Variants in CNTNAP5 observed in about 807,000 individuals in gnomAD.
The protein encoded by CNTNAP5 is contactin associated protein family member 5.
A neutral mutation model predicts 150.2 loss-of-function variants in CNTNAP5; 72 were observed. The observed-to-expected ratio is 0.48, with a 90% confidence interval of 0.40 to 0.58. The LOEUF is 0.58. CNTNAP5 is among the 20% of genes least tolerant of loss of function. CNTNAP5 has a pLI of 0.00. For missense variants in CNTNAP5, 1,636 were observed against 1,626.2 expected, an observed-to-expected ratio of 1.01 and a Z score of -0.10; for synonymous variants, 672 against 619.8, an observed-to-expected ratio of 1.08 and a Z score of -1.25.
intron 13 of CNTNAP5, among the ~76,000 whole-genome samples, chr2:124,674,793 CA>C (rs2105061773): frequency 6.6e-6 from 1 of 151,930 alleles, no homozygotes; most frequent in Non-Finnish European, 1.5e-5. Context: ...GTAACCTTTT[CA>C]AGTTTAAATT....
intron 8 of CNTNAP5, among the ~76,000 whole-genome samples, chr2:124,513,803 G>A (rs1295786759): frequency 6.6e-5 from 10 of 152,172 alleles, no homozygotes; most frequent in Admixed American, 2.0e-4. Flanking sequence ...GAGCTGCATC[G>A]TGCAGGATGG....
chr2:124,077,239 C>T (rs962830286), intron 1 of CNTNAP5, among the ~76,000 whole-genome samples: 1 of 151,868 alleles, frequency 6.6e-6, no homozygotes, highest in African/African-American at 2.4e-5. Context: ...TATAACTACA[C>T]CGTGGATAAC....
intron 8 of CNTNAP5, among the ~76,000 whole-genome samples, chr2:124,512,378 G>T (rs1573426073): frequency 6.6e-6 from 1 of 152,014 alleles, no homozygotes; most frequent in Non-Finnish European, 1.5e-5. Context: ...ATCCAGAAGG[G>T]TGGGTGGGGG....
At chr2:124,196,998 G>A (rs901327860) in intron 1 of CNTNAP5, among the ~76,000 whole-genome samples, 1 of 152,128 alleles carries the variant, frequency 6.6e-6, no homozygotes, top group Non-Finnish European at 1.5e-5. Context: ...CGTGTCTCAG[G>A]TTCCTAAGGT....
intron 3 of CNTNAP5, among the ~76,000 whole-genome samples, chr2:124,269,707 G>A (rs1010120321): frequency 6.6e-6 from 1 of 152,170 alleles, no homozygotes; most frequent in Non-Finnish European, 1.5e-5. Context: ...ACAATTGGTA[G>A]CTGGCTGCAG....
In CNTNAP5 at chr2:124,339,634, C is replaced by T. The variant is rs1573926542; in HGVS notation, c.382-77809C>T. Among the ~76,000 whole-genome samples the T allele has an allele frequency of 2.6e-5, 4 of 152,252 alleles. No homozygotes were observed. In the South Asian group the frequency reaches 6.2e-4, roughly 24 times the overall value. ...GTAATTGCCTGATGGGTTTTTCGTG[C>T]TCACTGTACAGACAAAACCAATTCA... On this transcript the variant is annotated intron_variant, in intron 3 of 23. Transcript: ENST00000682447.
chr2:124,261,370 C>A (rs1457701413), intron 3 of CNTNAP5, among the ~76,000 whole-genome samples: 1 of 152,156 alleles, frequency 6.6e-6, no homozygotes, highest in East Asian at 1.9e-4. Flanking sequence ...CCAACTGTCC[C>A]ATGAAGAGAA....
At chr2:124,572,804 C>G (rs1350321011) in intron 11 of CNTNAP5, among the ~76,000 whole-genome samples, 1 of 152,220 alleles carries the variant, frequency 6.6e-6, no homozygotes, top group Non-Finnish European at 1.5e-5. Context: ...GCCACAAAGA[C>G]TTCTTACCAC....
chr2:124,642,035 G>A (rs1466400422), intron 12 of CNTNAP5, among the ~76,000 whole-genome samples: 1 of 152,028 alleles, frequency 6.6e-6, no homozygotes, highest in Non-Finnish European at 1.5e-5. Flanking sequence ...TATGATGAGA[G>A]AAAAAATATG....
At chr2:124,768,307 G>GTGTA (rs1553440081) in intron 16 of CNTNAP5, among the ~76,000 whole-genome samples, 2,554 of 144,690 alleles carry the variant, frequency 0.018, 83 homozygotes, top group African/African-American at 0.051. Flanking sequence ...GTGTGTGTGT[G>GTGTA]TGTATATGTA....
chr2:124,910,096 A>G (rs1156318561), intron 22 of CNTNAP5, among the ~76,000 whole-genome samples: 1 of 151,668 alleles, frequency 6.6e-6, no homozygotes, highest in Non-Finnish European at 1.5e-5. Context: ...GTCCTAGGAA[A>G]AGGCCACCCC....
At position 124,282,384 on chromosome 2, in the gene CNTNAP5, C is replaced by T. The variant is rs1189317957; in HGVS notation, c.381+39991C>T. Among the ~76,000 whole-genome samples the T allele has an allele frequency of 4.6e-5, 7 of 152,068 alleles. No homozygotes were observed. The East Asian group carries it at 9.7e-4, about 21-fold the overall frequency. ...CTTTGAAATGAAAATGATAAACCTACGTGGATTTATTTTCCCTTTATTCAT... is the reference window on the plus strand; with the variant it reads ...CTTTGAAATGAAAATGATAAACCTATGTGGATTTATTTTCCCTTTATTCAT... On this transcript the variant is annotated intron_variant, in intron 3 of 23. Coordinates refer to ENST00000682447, the MANE Select transcript of CNTNAP5 (RefSeq NM_001367498.1).
At chr2:124,517,780 A>G (rs1310974167) in intron 8 of CNTNAP5, among the ~76,000 whole-genome samples, 2 of 117,588 alleles carry the variant, frequency 1.7e-5, no homozygotes, top group African/African-American at 3.4e-5. Context: ...TAGTGATGGA[A>G]GGTTGTGTTG....
intron 2 of CNTNAP5, among the ~76,000 whole-genome samples, chr2:124,226,829 G>T (rs975387950): frequency 4.6e-5 from 7 of 152,012 alleles, no homozygotes; most frequent in African/African-American, 1.7e-4. Context: ...ACAGCCCAGG[G>T]CATCACATAG....
chr2:124,823,842 T>C (rs1682538137), intron 19 of CNTNAP5, among the ~76,000 whole-genome samples: 1 of 152,100 alleles, frequency 6.6e-6, no homozygotes, highest in African/African-American at 2.4e-5. Flanking sequence ...TGGTGATGAG[T>C]TGCTGTCATT....
At chr2:124,140,256 G>GC (rs1684084872) in intron 1 of CNTNAP5, among the ~76,000 whole-genome samples, 1 of 150,948 alleles carries the variant, frequency 6.6e-6, no homozygotes, top group Non-Finnish European at 1.5e-5. Flanking sequence ...AAACAAAGCA[G>GC]CCGGGAAGCT....
Position 124,665,880 on chromosome 2 carries a change from C to G in CNTNAP5, c.2077+17922C>G, listed in dbSNP as rs559431946. ...CGGCCTGGGCGACAGAGCAAGACTC[C>G]GTCTCAAAAAAAAAAAAAATTATAC... On this transcript the variant is annotated intron_variant, in intron 13 of 23. Coordinates refer to ENST00000682447, the MANE Select transcript of CNTNAP5 (RefSeq NM_001367498.1). Among the ~76,000 whole-genome samples, 440 of 112,088 alleles carry G rather than the reference C, an allele frequency of 3.9e-3. 5 individuals are homozygous for G. Among genetic ancestry groups the G allele is most frequent in the African/African-American group, 0.013 (413 of 31,104 alleles). 73.5% of individuals were successfully genotyped at this position (112,088 alleles called of 152,430 possible).
chr2:124,135,513 A>G (rs991876424), intron 1 of CNTNAP5, among the ~76,000 whole-genome samples: 1 of 152,228 alleles, frequency 6.6e-6, no homozygotes. Flanking sequence ...ACTAGGAAAA[A>G]AAAATTAGAA....
In CNTNAP5 at chr2:124,501,124, G is replaced by A. The variant is rs559068527; in HGVS notation, c.1063-3168G>A. ...GACTTCCTTTCAATCTCACTTATGA[G>A]GTCAAGGCCAGTGGTTTTACCTTGA... On this transcript the variant is annotated intron_variant, in intron 7 of 23. Transcript: ENST00000682447. Among the ~76,000 whole-genome samples, 4 of 152,286 alleles carry A rather than the reference G, an allele frequency of 2.6e-5. No homozygotes were observed. The South Asian group carries it at 8.3e-4, about 32-fold the overall frequency.
Sources: gnomAD v4.1 joint callset for allele counts (sites outside exome capture counted in the v4.1 genomes callset) on GRCh38, gnomAD v4.1.1 for gene constraint, MANE v1.5 for transcripts, NCBI Gene and HGNC (gene_info 2026-07-23, HGNC 2026-07-21) for gene names.